DGKB: variants seen among roughly 807,000 people sequenced by gnomAD.
The protein encoded by DGKB is 90 kDa diacylglycerol kinase.
DGKB carries 67 observed loss-of-function variants against 114.3 expected under a neutral mutation model. The observed-to-expected ratio is 0.59, with a 90% confidence interval of 0.48 to 0.72. The LOEUF (loss-of-function observed/expected upper bound fraction) is 0.72, where lower values mean the gene tolerates loss of function less well. DGKB is among the 30% of genes least tolerant of loss of function. DGKB has a pLI of 0.00. For synonymous variants in DGKB, 398 were observed against 323.1 expected (o/e 1.23, Z -2.49); for missense variants, 907 against 975.2 (o/e 0.93, Z 0.93).
intron 20 of DGKB, among the ~76,000 whole-genome samples, chr7:14,509,946 C>A (rs1038238542): frequency 1.3e-5 from 2 of 152,138 alleles, no homozygotes; most frequent in Non-Finnish European, 2.9e-5. Context: ...GAGGCCGAGG[C>A]GGGCTGGTCA....
intron 20 of DGKB, among the ~76,000 whole-genome samples, chr7:14,540,458 TGG>T (rs1438039107): frequency 6.6e-6 from 1 of 152,120 alleles, no homozygotes; most frequent in African/African-American, 2.4e-5. Flanking sequence ...TAAAAAGCTC[TGG>T]GGTAAGTTAA....
rs551618345 is a variant in DGKB at position 14,689,199 on chromosome 7, AT to A, written c.712-3838del. On this transcript the variant is annotated intron_variant, in intron 9 of 25. Coordinates refer to ENST00000402815, the MANE Select transcript of DGKB (RefSeq NM_001350709.2). ...TGACAATGTGACAGAAACTCCTCTTATTTTTTTTTTTTTTTTTTTTTTTTTG... is the reference window on the plus strand; with the variant it reads ...TGACAATGTGACAGAAACTCCTCTTATTTTTTTTTTTTTTTTTTTTTTTTG... Among the ~76,000 whole-genome samples the A allele has an allele frequency of 2.8e-3, 217 of 76,548 alleles. 1 individual carries two copies. Among genetic ancestry groups the A allele is most frequent in the Middle Eastern group, 0.019 (2 of 104 alleles). The allele number at this position is 76,548 out of a possible 152,430, so 50.2% of individuals were successfully genotyped here.
chr7:14,709,036 A>G (rs1224201800), intron 6 of DGKB, among the ~76,000 whole-genome samples: 9 of 142,060 alleles, frequency 6.3e-5, no homozygotes, highest in Non-Finnish European at 1.1e-4. Context: ...GCAACCTACA[A>G]AATGGGAGAA....
intron 21 of DGKB, among the ~76,000 whole-genome samples, chr7:14,388,262 A>T (rs201972303): frequency 2.1e-5 from 2 of 93,844 alleles, no homozygotes; most frequent in East Asian, 6.5e-4. Flanking sequence ...AAATAATGTG[A>T]AGCCAAAAAA....
rs186376404 is a variant in DGKB, at chr7:14,866,114, G to T, written c.-187-24664C>A. On this transcript the variant is annotated intron_variant, in intron 1 of 25. Transcript: ENST00000402815. The stretch of plus-strand genomic sequence containing the variant: ...TTTTAAAGACTTAATTTTTCTTAAA[G>T]AGCAATTTTAGATTCATAGCAAAAC... 1.1e-4 allele frequency among the ~76,000 whole-genome samples: 16 copies of T among 152,210 alleles called. No homozygotes were observed. The East Asian group carries it at 2.9e-3, about 28-fold the overall frequency.
rs1791254673 is a variant in DGKB at position 14,228,868 on chromosome 7, A to T, written c.2123-50717T>A. ...AAGAAGAGTAAAGCTTCAACTACCT[A>T]GCATCAGTTTTTTTTCTGTGTGTGT... On this transcript the variant is annotated intron_variant, in intron 23 of 25. Transcript: ENST00000402815. Among the ~76,000 whole-genome samples, 3 of 120,664 alleles carry T rather than the reference A, an allele frequency of 2.5e-5. No homozygotes were observed. In the South Asian group the frequency reaches 7.6e-4, roughly 31 times the overall value. The allele number at this position is 120,664 out of a possible 152,430, so 79.2% of individuals were successfully genotyped here. A position where few individuals can be genotyped will look rare whatever the true frequency, so the allele number is the denominator to read the frequency against.
intron 1 of DGKB, among the ~76,000 whole-genome samples, chr7:14,942,976 C>T (rs764582760): frequency 2.6e-5 from 4 of 151,212 alleles, no homozygotes; most frequent in Non-Finnish European, 5.9e-5. Flanking sequence ...AATAAAATCT[C>T]TTTGAGTACA....
At chr7:14,891,117 G>A (rs1174133537) in intron 1 of DGKB, among the ~76,000 whole-genome samples, 1 of 151,384 alleles carries the variant, frequency 6.6e-6, no homozygotes, top group Non-Finnish European at 1.5e-5. Context: ...GGACCAAGAG[G>A]AGGTACCAGT....
intron 20 of DGKB, among the ~76,000 whole-genome samples, chr7:14,482,517 ATAAAT>A (rs1442718602): frequency 3.3e-5 from 5 of 152,094 alleles, no homozygotes; most frequent in African/African-American, 1.2e-4. Context: ...TCAAGGAAAG[ATAAAT>A]TAACAATGTG....
At chr7:14,227,249 A>G (rs541288786) in intron 23 of DGKB, among the ~76,000 whole-genome samples, 1 of 152,174 alleles carries the variant, frequency 6.6e-6, no homozygotes, top group South Asian at 2.1e-4. Flanking sequence ...GGAGGGTCTG[A>G]GAATATATAT....
At chr7:14,942,725 T>C (rs543637647) in intron 1 of DGKB, among the ~76,000 whole-genome samples, 2 of 151,180 alleles carry the variant, frequency 1.3e-5, no homozygotes, top group African/African-American at 4.9e-5. Flanking sequence ...GGAATTTTCT[T>C]TCCCCAGATA....
chr7:14,451,636 G>A (rs1307431704), intron 21 of DGKB, among the ~76,000 whole-genome samples: 1 of 151,488 alleles, frequency 6.6e-6, no homozygotes, highest in Non-Finnish European at 1.5e-5. Context: ...TATGTTATAA[G>A]AAACTGTGCT....
At chr7:14,548,490 G>A (rs1401644882) in intron 20 of DGKB, among the ~76,000 whole-genome samples, 1 of 152,172 alleles carries the variant, frequency 6.6e-6, no homozygotes, top group Non-Finnish European at 1.5e-5. Flanking sequence ...ACTCCTGAAT[G>A]AGGAAAAGGT....
At chr7:14,818,312 A>G (rs1031071569) in intron 2 of DGKB, among the ~76,000 whole-genome samples, 3 of 152,188 alleles carry the variant, frequency 2.0e-5, no homozygotes, top group African/African-American at 7.2e-5. Context: ...TCGAATTTCT[A>G]TTCTTTATTA....
At chr7:14,281,496 C>G (rs572198319) in intron 23 of DGKB, among the ~76,000 whole-genome samples, 9 of 146,912 alleles carry the variant, frequency 6.1e-5, no homozygotes, top group African/African-American at 1.1e-4. Context: ...GAACTCAGCT[C>G]TGCACCAAGC....
intron 2 of DGKB, among the ~76,000 whole-genome samples, chr7:14,764,885 G>T (rs1836233576): frequency 6.6e-6 from 1 of 151,780 alleles, no homozygotes; most frequent in African/African-American, 2.4e-5. Flanking sequence ...GTCATTAAAT[G>T]AAATTCCCCA....
chr7:14,157,695 AAGTT>A (rs373603337), intron 25 of DGKB, among the ~76,000 whole-genome samples: 2 of 152,242 alleles, frequency 1.3e-5, no homozygotes, highest in Non-Finnish European at 2.9e-5. Flanking sequence ...TTGTGGCTCT[AAGTT>A]AGTTGTCAGG....
intron 1 of DGKB, among the ~76,000 whole-genome samples, chr7:14,912,048 T>A (rs2128243912): frequency 6.6e-6 from 1 of 152,298 alleles, no homozygotes; most frequent in East Asian, 1.9e-4. Context: ...GCGCCCTTCT[T>A]CTGGTAACAA....
chr7:14,920,964 C>G (rs1784486176), intron 1 of DGKB, among the ~76,000 whole-genome samples: 1 of 152,074 alleles, frequency 6.6e-6, no homozygotes, highest in Non-Finnish European at 1.5e-5. Flanking sequence ...TCCATTCCCA[C>G]TCTAGGTTCA....
Sources: gnomAD v4.1 joint callset for allele counts (sites outside exome capture counted in the v4.1 genomes callset) on GRCh38, gnomAD v4.1.1 for gene constraint, MANE v1.5 for transcripts, NCBI Gene and HGNC (gene_info 2026-07-23, HGNC 2026-07-21) for gene names.